ITPA: variants seen among roughly 807,000 people sequenced by gnomAD.
The protein encoded by ITPA is inosine triphosphate pyrophosphatase.
ITPA carries 29 observed loss-of-function variants against 29.6 expected under a neutral mutation model. The observed-to-expected ratio is 0.98, with a 90% CI of 0.73 to 1.34. The LOEUF (loss-of-function observed/expected upper bound fraction) is 1.34, where lower values mean the gene tolerates loss of function less well. ITPA is among the 40% of genes most tolerant of loss of function. ITPA has a pLI of 0.00. For synonymous variants in ITPA, 103 were observed against 99.3 expected (o/e 1.04, Z -0.22); for missense variants, 241 against 251.5 (o/e 0.96, Z 0.28).
chr20:3,207,013 C>CA (rs1161447593), upstream of ITPA, among the ~76,000 whole-genome samples: 3 of 151,322 alleles, frequency 2.0e-5, no homozygotes, highest in Admixed American at 1.3e-4. Flanking sequence ...GACTCCATCT[C>CA]AAAAAAAATA....
At chr20:3,207,948 T>G (rs1321489870), upstream of ITPA, among the ~76,000 whole-genome samples, 2 of 139,306 alleles carry the variant, frequency 1.4e-5, no homozygotes, top group Non-Finnish European at 3.0e-5. Context: ...TGAGCCAAGA[T>G]CATGCCATTG....
chr20:3,217,225 C>T (rs1436922807), intron 5 of ITPA, among the ~76,000 whole-genome samples: 1 of 152,074 alleles, frequency 6.6e-6, no homozygotes, highest in Non-Finnish European at 1.5e-5. Context: ...CATTTCAAAC[C>T]TGCATAGTAG....
intron 1 of ITPA, among the ~76,000 whole-genome samples, chr20:3,210,934 C>G (rs1311289289): frequency 6.6e-6 from 1 of 151,662 alleles, no homozygotes; most frequent in Non-Finnish European, 1.5e-5. Flanking sequence ...GCCTGTAGTC[C>G]CAGCTACTCG....
At chr20:3,217,814 A>G (rs2067342166) in intron 5 of ITPA, among the ~76,000 whole-genome samples, 1 of 152,198 alleles carries the variant, frequency 6.6e-6, no homozygotes, top group African/African-American at 2.4e-5. Flanking sequence ...TTAAACAAGT[A>G]AACTATAATC....
chr20:3,209,488 G>A (rs2067120789), upstream of ITPA: 1 of 1,478,398 alleles, frequency 6.8e-7, no homozygotes, highest in South Asian at 1.1e-5. The surrounding 1 kb of genome is among the most constrained non-coding windows in gnomAD (Gnocchi z 4.6). Context: ...CCACCAGCCG[G>A]AAGTTTTCTG....
upstream of ITPA, among the ~76,000 whole-genome samples, chr20:3,206,752 A>G (rs1345123355): frequency 1.3e-5 from 2 of 151,112 alleles, no homozygotes; most frequent in African/African-American, 2.4e-5. Flanking sequence ...AATGGTGGGG[A>G]CCCGGGAGGC....
chr20:3,204,504 T>G, upstream of ITPA: 7 of 1,537,962 alleles, frequency 4.6e-6, no homozygotes, highest in Non-Finnish European at 6.1e-6. Context: ...GAAAACCCGG[T>G]ACCACCAACC....
chr20:3,214,047 C>G lies in ITPA; in HGVS notation c.252C>G (p.Pro84=). 1 of 1,614,188 alleles carries G rather than the reference C, an allele frequency of 6.2e-7. No homozygotes were observed. Among genetic ancestry groups the G allele is most frequent in the Non-Finnish European group, 8.5e-7 (1 of 1,180,016 alleles). The change falls in exon 4 of 8, where the codon CCC becomes CCG. Residue 84 remains proline, a synonymous_variant. Coordinates refer to ENST00000380113, the MANE Select transcript of ITPA (RefSeq NM_033453.4). ...GCTTCAATGCCCTTGGAGGGCTCCC[C>G]GGCCCCTACATGTGAGTGACTACCT... The part of the protein sequence containing the change: ...CLCFNALGGL[P]GPYIKWFLEK...
chr20:3,218,824 G>C (rs527355164), intron 6 of ITPA, 192 bp downstream of exon 6: 47 of 646,114 alleles, frequency 7.3e-5, no homozygotes, highest in African/African-American at 6.4e-4. Flanking sequence ...TGGTGGAAAG[G>C]GTTCCCTGGG....
intron 5 of ITPA, among the ~76,000 whole-genome samples, chr20:3,217,853 G>C (rs1463402246): frequency 1.3e-5 from 2 of 151,560 alleles, no homozygotes; most frequent in African/African-American, 4.9e-5. Flanking sequence ...ATCATTTTTT[G>C]GATTTCCTTG....
At chr20:3,206,963 G>A (rs66696167), upstream of ITPA, among the ~76,000 whole-genome samples, 26,981 of 151,912 alleles carry the variant, frequency 0.18, 2,884 homozygotes, top group South Asian at 0.39. Context: ...GCAGTGAGCC[G>A]GGACCACACC....
chr20:3,204,612 A>G, upstream of ITPA: 1 of 1,589,818 alleles, frequency 6.3e-7, no homozygotes, highest in Non-Finnish European at 8.5e-7. Flanking sequence ...ACCAAGTACC[A>G]CACAGGCGCC....
In ITPA at chr20:3,223,759, G is replaced by C. The variant is rs1291084151; in HGVS notation, c.*297G>C. On this transcript the variant is annotated 3_prime_UTR_variant, in exon 8 of 8. Coordinates refer to ENST00000380113, the MANE Select transcript of ITPA (RefSeq NM_033453.4). ...TGTACTTGGTGGGAGTGAGGGCGTG[G>C]GGAGGAACCATGCAAATCGCCTTCC... 8.1e-6 allele frequency: 4 copies of C among 495,922 alleles called. No individual in the cohort carries two copies. The highest frequency in any genetic ancestry group is 1.5e-5 in the Non-Finnish European group (4 of 273,280). 30.7% of individuals were successfully genotyped at this position (495,922 alleles called of 1,614,324 possible).
At chr20:3,225,454 C>G (rs762537030), downstream of ITPA, among the ~76,000 whole-genome samples, 1 of 152,170 alleles carries the variant, frequency 6.6e-6, no homozygotes, top group Non-Finnish European at 1.5e-5. Context: ...TTTATTCAAT[C>G]ATGCCTGCAT....
At chr20:3,214,208 C>A in intron 4 of ITPA, 150 bp downstream of exon 4, 2 of 738,222 alleles carry the variant, frequency 2.7e-6, no homozygotes, top group Non-Finnish European at 2.4e-6. Context: ...ATAGGAGAAG[C>A]ATGCCTTTCT....
chr20:3,225,094 C>G (rs970006620), downstream of ITPA, among the ~76,000 whole-genome samples: 5 of 152,090 alleles, frequency 3.3e-5, no homozygotes, highest in African/African-American at 1.2e-4. Context: ...GACACAGCTA[C>G]TCAGGATTCC....
downstream of ITPA, among the ~76,000 whole-genome samples, chr20:3,227,146 C>T (rs1490247893): frequency 6.6e-6 from 1 of 152,258 alleles, no homozygotes; most frequent in Non-Finnish European, 1.5e-5. Flanking sequence ...GCCACAGCGC[C>T]TCAGTGGCCC....
intron 5 of ITPA, among the ~76,000 whole-genome samples, chr20:3,217,049 T>C (rs2122370276): frequency 6.6e-6 from 1 of 152,144 alleles, no homozygotes; most frequent in South Asian, 2.1e-4. Flanking sequence ...CCTAGCTAAT[T>C]TTTGTATTTT....
chr20:3,204,257 G>A (rs1483261573), upstream of ITPA, among the ~76,000 whole-genome samples: 1 of 152,210 alleles, frequency 6.6e-6, no homozygotes, highest in Non-Finnish European at 1.5e-5. Context: ...GTGTGCGCCG[G>A]CCAGGGCCTC....
Sources: allele counts gnomAD v4.1 joint callset (sites outside exome capture counted in the v4.1 genomes callset), GRCh38; gene constraint gnomAD v4.1.1; non-coding constraint Gnocchi (gnomAD v3.1); transcripts MANE v1.5; gene names NCBI Gene and HGNC (gene_info 2026-07-23, HGNC 2026-07-21).